AK8: variants seen among roughly 807,000 people sequenced by gnomAD.
AK8 encodes adenylate kinase 8.
AK8 carries 44 observed loss-of-function variants against 54.6 expected under a neutral mutation model. The observed-to-expected ratio is 0.81, with a 90% confidence interval of 0.63 to 1.04. The LOEUF (loss-of-function observed/expected upper bound fraction) is 1.04. Ranked by LOEUF, AK8 falls within the 50% of genes least tolerant of loss-of-function variation. The probability of loss-of-function intolerance (pLI) is 0.00; values close to 1 mark genes in which losing one functional copy is unlikely to be tolerated. For missense variants in AK8, 555 were observed against 613.6 expected (o/e 0.90, Z 1.01); for synonymous variants, 239 against 245.6 (o/e 0.97, Z 0.25).
In AK8 at chr9:132,725,893, A is replaced by C; in HGVS notation, c.1235T>G (p.Met412Arg). 1 of 1,611,958 alleles carries C rather than the reference A, an allele frequency of 6.2e-7. No homozygotes were observed. Among genetic ancestry groups the C allele is most frequent in the Non-Finnish European group, 8.5e-7 (1 of 1,179,672 alleles). The change falls in exon 13 of 13, where the codon ATG becomes AGG. Residue 412 changes from methionine to arginine, a missense_variant. Transcript: ENST00000298545. ...CTGCAGGAGGCGAGCCTGGATCTCC[A>C]TGGTGGGAGGTGGCTTGTACATGAG... ...YHLMYKPPPT[M>R]EIQARLLQNP...
intron 10 of AK8, among the ~76,000 whole-genome samples, chr9:132,797,683 G>A (rs1840237304): frequency 6.6e-6 from 1 of 152,190 alleles, no homozygotes. Context: ...CTTTTTAGAT[G>A]TGTTTAACGT....
chr9:132,878,783 C>A (rs976557692), upstream of AK8: 3 of 985,328 alleles, frequency 3.0e-6, no homozygotes, highest in African/African-American at 5.2e-5. This position sits in a 1 kb window ranked among gnomAD's most constrained non-coding sequence, Gnocchi z 4.7. Context: ...CCCCGGTAGA[C>A]CCCTCCCAGC....
intron 9 of AK8, among the ~76,000 whole-genome samples, chr9:132,821,723 A>C (rs949433906): frequency 4.3e-5 from 6 of 139,278 alleles, no homozygotes; most frequent in Admixed American, 2.8e-4. Context: ...TTGTATGTAT[A>C]TACATATATG....
rs960910371 is a variant in AK8, at chr9:132,803,099, C to T, written c.980-10324G>A. On this transcript the variant is annotated intron_variant, in intron 10 of 12. Coordinates refer to ENST00000298545, the MANE Select transcript of AK8 (RefSeq NM_152572.3). The surrounding 1 kb of genome is among the most constrained non-coding windows in gnomAD (Gnocchi z 4.4). ...AGAGGTGCAGAGCGAAGGGGCAGAGCGGGGGAAAGCCCTTTATAAAACCAT... is the reference window on the plus strand; with the variant it reads ...AGAGGTGCAGAGCGAAGGGGCAGAGTGGGGGAAAGCCCTTTATAAAACCAT... Among the ~76,000 whole-genome samples the T allele has an allele frequency of 7.2e-5, 11 of 152,118 alleles. No individual in the cohort carries two copies. The highest frequency in any genetic ancestry group is 1.2e-4 in the African/African-American group (5 of 41,412).
At chr9:132,812,485 C>T (rs989819891) in intron 10 of AK8, among the ~76,000 whole-genome samples, 14 of 28,576 alleles carry the variant, frequency 4.9e-4, no homozygotes, top group South Asian at 1.1e-3. Context: ...AACATCCACC[C>T]GCCTCGGCCT....
intron 11 of AK8, among the ~76,000 whole-genome samples, chr9:132,774,333 C>T (rs989861989): frequency 2.0e-5 from 3 of 152,158 alleles, no homozygotes; most frequent in Admixed American, 2.0e-4. Flanking sequence ...TGGAGTCTTA[C>T]AATCTCATAA....
chr9:132,752,860 T>C (rs1838008340), intron 11 of AK8, among the ~76,000 whole-genome samples: 1 of 152,068 alleles, frequency 6.6e-6, no homozygotes. Flanking sequence ...AGCTTGCCCC[T>C]ACTCCATCAT....
intron 11 of AK8, among the ~76,000 whole-genome samples, chr9:132,736,439 C>T (rs1019419327): frequency 1.6e-4 from 24 of 151,432 alleles, no homozygotes; most frequent in East Asian, 2.0e-4. Flanking sequence ...CCGCCCACCT[C>T]GGCCTCCCAA....
intron 11 of AK8, among the ~76,000 whole-genome samples, chr9:132,731,243 C>T (rs1239565131): frequency 1.3e-5 from 2 of 152,228 alleles, no homozygotes; most frequent in African/African-American, 4.8e-5. Context: ...CTAGCTGCAT[C>T]ATCTTGGAAA....
intron 11 of AK8, among the ~76,000 whole-genome samples, chr9:132,762,302 T>C (rs1259494516): frequency 2.0e-5 from 3 of 152,198 alleles, no homozygotes; most frequent in African/African-American, 2.4e-5. Flanking sequence ...CAGCTACTCT[T>C]TGAGTTTAGT....
rs57545887 is a variant in AK8, at chr9:132,837,045, G to T, written c.403-8319C>A. ...GCCTAAGAATGGGAGAACGGGCCAG[G>T]CGTGGTGGTTCACGCCTATAATCCC... On this transcript the variant is annotated intron_variant, in intron 5 of 12. Transcript: ENST00000298545. This position sits in a 1 kb window ranked among gnomAD's most constrained non-coding sequence, Gnocchi z 4.3. 6.6e-6 allele frequency among the ~76,000 whole-genome samples: 1 copy of T among 152,204 alleles called. No homozygotes were observed. The highest frequency in any genetic ancestry group is 1.5e-5 in the Non-Finnish European group (1 of 68,042).
At chr9:132,808,590 C>G (rs1172918536) in intron 10 of AK8, among the ~76,000 whole-genome samples, 1 of 152,190 alleles carries the variant, frequency 6.6e-6, no homozygotes, top group Admixed American at 6.5e-5. Flanking sequence ...GCAGAGGTCA[C>G]GGCTGGGACA....
chr9:132,874,369 A>T (rs1021592182), intron 2 of AK8: 1 of 152,294 alleles, frequency 6.6e-6, no homozygotes, highest in Non-Finnish European at 1.5e-5. Flanking sequence ...CACACAGGGC[A>T]TCTCTGGGCT....
In AK8 at chr9:132,804,508, G is replaced by A. The variant is rs1475332621; in HGVS notation, c.979+10130C>T. Among the ~76,000 whole-genome samples the A allele has an allele frequency of 8.5e-5, 13 of 152,088 alleles. No homozygotes were observed. In the South Asian group the frequency reaches 2.5e-3, roughly 29 times the overall value. ...GGTCTGCAGTGAGGGGTGAGGAGAA[G>A]GAGTTCCCCTTCCCCTGCCTCCCGC... On this transcript the variant is annotated intron_variant, in intron 10 of 12. Transcript: ENST00000298545.
chr9:132,727,394 C>A, intron 12 of AK8, 60 bp downstream of exon 12: 2 of 1,489,156 alleles, frequency 1.3e-6, no homozygotes, highest in South Asian at 2.3e-5. Flanking sequence ...ATTGGTCAGT[C>A]AGTTGGGTCT....
rs61495439 is a variant in AK8, at chr9:132,765,292, C to CAAAAAAAAAAAA, written c.1121+27330_1121+27341dup. Reference sequence around the variant, plus strand: ...TGGGCAACAGAGCGAGACTCCATTTCAAAAAAAAAAAAAAAAAAAAAAGAG... The same window carrying CAAAAAAAAAAAA: ...TGGGCAACAGAGCGAGACTCCATTTCAAAAAAAAAAAAAAAAAAAAAAAAAAAAAAAAAAGAG... On this transcript the variant is annotated intron_variant, in intron 11 of 12. Coordinates refer to ENST00000298545, the MANE Select transcript of AK8 (RefSeq NM_152572.3). Among the ~76,000 whole-genome samples, 50 of 62,782 alleles carry CAAAAAAAAAAAA rather than the reference C, an allele frequency of 8.0e-4. 1 individual carries two copies. Among genetic ancestry groups the CAAAAAAAAAAAA allele is most frequent in the African/African-American group, 2.7e-3 (40 of 15,008 alleles). The allele number at this position is 62,782 out of a possible 152,430, so 41.2% of individuals were successfully genotyped here. A position where few individuals can be genotyped will look rare whatever the true frequency, so the allele number is the denominator to read the frequency against.
intron 11 of AK8, among the ~76,000 whole-genome samples, chr9:132,735,777 C>T (rs1452853465): frequency 6.6e-6 from 1 of 152,222 alleles, no homozygotes; most frequent in African/African-American, 2.4e-5. Context: ...TTCTTAGCAG[C>T]ATGATTCGCA....
At chr9:132,752,060 T>G (rs1837953178) in intron 11 of AK8, among the ~76,000 whole-genome samples, 1 of 151,962 alleles carries the variant, frequency 6.6e-6, no homozygotes, top group Non-Finnish European at 1.5e-5. Context: ...CAGGCTGGTC[T>G]CGAACTCCTG....
At chr9:132,741,473 C>T (rs1039838478) in intron 11 of AK8, among the ~76,000 whole-genome samples, 19 of 152,164 alleles carry the variant, frequency 1.2e-4, no homozygotes, top group Admixed American at 7.9e-4. Context: ...TCAGCAACAG[C>T]CCCCCAAAAA....
Sources: allele counts gnomAD v4.1 joint callset (sites outside exome capture counted in the v4.1 genomes callset), GRCh38; gene constraint gnomAD v4.1.1; non-coding constraint Gnocchi (gnomAD v3.1); transcripts MANE v1.5; gene names NCBI Gene and HGNC (gene_info 2026-07-23, HGNC 2026-07-21).